The following ADGRD1 variants were observed in gnomAD, a reference collection of about 807,000 sequenced individuals.
ADGRD1 encodes adhesion G protein-coupled receptor D1, also known as G-protein coupled receptor 133.
In ADGRD1, 77 loss-of-function variants were observed where a neutral mutation model predicts 113.4. The ratio of observed to expected loss-of-function variants is 0.68; its 90% CI spans 0.57 to 0.82. ADGRD1 has a LOEUF of 0.82. ADGRD1 is among the 40% of genes least tolerant of loss of function. The pLI is 0.00. For missense variants in ADGRD1, 1,036 were observed against 1,139.1 expected, an observed-to-expected ratio of 0.91 and a Z score of 1.30; for synonymous variants, 474 against 475.0, an observed-to-expected ratio of 1.00 and a Z score of 0.03.
chr12:131,134,678 G>A (rs916881992), intron 21 of ADGRD1, among the ~76,000 whole-genome samples: 2 of 152,256 alleles, frequency 1.3e-5, no homozygotes, highest in Non-Finnish European at 2.9e-5. Context: ...GCCCGGAGCT[G>A]TCAGTGCCAG....
At chr12:131,135,629 C>T (rs1030149741) in intron 21 of ADGRD1, among the ~76,000 whole-genome samples, 6 of 152,196 alleles carry the variant, frequency 3.9e-5, no homozygotes, top group South Asian at 2.1e-4. Flanking sequence ...CCCTTCCAAG[C>T]GTCTCACAGG....
At chr12:130,995,981 T>TGGTG (rs1433574910) in intron 8 of ADGRD1, among the ~76,000 whole-genome samples, 12 of 151,956 alleles carry the variant, frequency 7.9e-5, no homozygotes, top group Non-Finnish European at 2.9e-5. Flanking sequence ...TGATGACTCT[T>TGGTG]AACGAGCATG....
At chr12:131,074,459 C>A (rs1203025177) in intron 13 of ADGRD1, among the ~76,000 whole-genome samples, 1 of 152,202 alleles carries the variant, frequency 6.6e-6, no homozygotes, top group Non-Finnish European at 1.5e-5. Flanking sequence ...CGCCTCATTC[C>A]CATTCCCCAG....
At chr12:131,001,601 C>A (rs1467287909) in intron 9 of ADGRD1, among the ~76,000 whole-genome samples, 1 of 152,222 alleles carries the variant, frequency 6.6e-6, no homozygotes, top group Non-Finnish European at 1.5e-5. Context: ...TAGATCCCTA[C>A]ATCTCAGTGG....
chr12:131,034,499 C>T (rs779914071), intron 13 of ADGRD1, among the ~76,000 whole-genome samples: 24 of 152,166 alleles, frequency 1.6e-4, no homozygotes, highest in Admixed American at 3.9e-4. Context: ...TTCTTTGTCT[C>T]CTTCACTAGA....
chr12:131,076,973 A>C lies in ADGRD1; in HGVS notation c.1547+99A>C, dbSNP rs920201527. ...GAGGATCTGGGTCACCCATTTCTGC[A>C]GCTGACATGGTTGCGTTATGCGAAA... On this transcript the variant is annotated intron_variant, in intron 14 of 24. Coordinates refer to ENST00000261654, the MANE Select transcript of ADGRD1 (RefSeq NM_198827.5). 32 of 970,980 alleles carry C rather than the reference A, an allele frequency of 3.3e-5. No individual in the cohort carries two copies. The African/African-American group carries it at 3.7e-4, about 11-fold the overall frequency. 60.1% of individuals were successfully genotyped at this position (970,980 alleles called of 1,614,324 possible).
intron 15 of ADGRD1, among the ~76,000 whole-genome samples, chr12:131,095,618 C>G (rs373298586): frequency 6.6e-6 from 1 of 152,302 alleles, no homozygotes. Context: ...ACTGGACGTT[C>G]CCAGGGCAGA....
chr12:131,045,177 C>T (rs983061472), intron 13 of ADGRD1, among the ~76,000 whole-genome samples: 1 of 152,222 alleles, frequency 6.6e-6, no homozygotes, highest in East Asian at 1.9e-4. Flanking sequence ...TCCGGGAGAG[C>T]GTGGATGAGC....
intron 13 of ADGRD1, among the ~76,000 whole-genome samples, chr12:131,052,264 C>G (rs564169530): frequency 1.2e-4 from 18 of 152,306 alleles, no homozygotes; most frequent in African/African-American, 4.3e-4. Context: ...ATGAGAACCC[C>G]TGCACCGAGT....
In ADGRD1 at chr12:131,023,863, T is replaced by A. The variant is rs963997439; in HGVS notation, c.1473+9523T>A. On this transcript the variant is annotated intron_variant, in intron 13 of 24. Transcript: ENST00000261654. The stretch of plus-strand genomic sequence containing the variant: ...CAGATGGACCTTCTTCTTCCCCTTA[T>A]GTTGACCCTCGGGCAGTGTTGAGGG... 39 of 152,242 alleles carry A rather than the reference T, an allele frequency of 2.6e-4. 1 individual carries two copies. 9.4% of individuals were successfully genotyped at this position (152,242 alleles called of 1,614,324 possible). A position where few individuals can be genotyped will look rare whatever the true frequency, so the allele number is the denominator to read the frequency against.
In ADGRD1 at chr12:131,096,342, G is replaced by A. The variant is rs534080697; in HGVS notation, c.1672-8489G>A. Among the ~76,000 whole-genome samples the A allele has an allele frequency of 1.3e-5, 2 of 152,260 alleles. No homozygotes were observed. Among genetic ancestry groups the A allele is most frequent in the South Asian group, 4.2e-4 (2 of 4,818 alleles). On this transcript the variant is annotated intron_variant, in intron 15 of 24. Transcript: ENST00000261654. This position sits in a 1 kb window ranked among gnomAD's most constrained non-coding sequence, Gnocchi z 5.2. ...GCTCACTGCAGCCTTGACCTCCTGGGCTCCAGAGATCCTCCTACCTCAGCC... is the reference window on the plus strand; with the variant it reads ...GCTCACTGCAGCCTTGACCTCCTGGACTCCAGAGATCCTCCTACCTCAGCC...
At chr12:131,037,130 T>TGCACCGGGCCTCACTCACG (rs1566052727) in intron 13 of ADGRD1, among the ~76,000 whole-genome samples, 2 of 132,300 alleles carry the variant, frequency 1.5e-5, no homozygotes, top group Non-Finnish European at 3.1e-5. Flanking sequence ...CCTCACTCAC[T>TGCACCGGGCCTCACTCACG]GCACCGGGCC....
Position 130,954,725 on chromosome 12 carries a change from A to ACAGC in ADGRD1, c.103+67_103+70dup. 5.4e-6 allele frequency: 8 copies of ACAGC among 1,476,314 alleles called. No homozygotes were observed. The highest frequency in any genetic ancestry group is 7.6e-6 in the Non-Finnish European group (8 of 1,056,068). The allele number at this position is 1,476,314 out of a possible 1,614,324, so 91.5% of individuals were successfully genotyped here. On this transcript the variant is annotated intron_variant, in intron 2 of 24. Transcript: ENST00000261654. This position sits in a 1 kb window ranked among gnomAD's most constrained non-coding sequence, Gnocchi z 4.7. Reference sequence around the variant, plus strand: ...CCTGCCTAGTGCAGGTATCTCAGGAACAGCCCACTTGTTCATCTCTGAGGC... The same window carrying ACAGC: ...CCTGCCTAGTGCAGGTATCTCAGGAACAGCCAGCCCACTTGTTCATCTCTGAGGC...
intron 3 of ADGRD1, chr12:130,970,642 C>T (rs1005909588): frequency 3.3e-5 from 5 of 152,200 alleles, no homozygotes; most frequent in African/African-American, 7.2e-5. Flanking sequence ...GCGATTATGA[C>T]CCCAGTTAAC....
chr12:131,105,023 G>A, intron 16 of ADGRD1, 89 bp downstream of exon 16: 1 of 899,236 alleles, frequency 1.1e-6, no homozygotes, highest in Non-Finnish European at 1.7e-6. Context: ...GAGAGGGGAG[G>A]GGCTGTGGAG....
intron 17 of ADGRD1, among the ~76,000 whole-genome samples, chr12:131,106,817 C>CGTG (rs1027704677): frequency 1.3e-5 from 2 of 152,152 alleles, no homozygotes; most frequent in African/African-American, 4.8e-5. Flanking sequence ...CTGGATGCAC[C>CGTG]GTGGAATGGA....
At chr12:131,137,944 G>C in intron 23 of ADGRD1, 193 bp from the exon 24 acceptor site, 1 of 586,502 alleles carries the variant, frequency 1.7e-6, no homozygotes, top group Non-Finnish European at 3.1e-6. Flanking sequence ...TCCCTGGCCT[G>C]CGATACAACC....
intron 15 of ADGRD1, among the ~76,000 whole-genome samples, chr12:131,095,887 G>GTCTCTGT (rs1887244185): frequency 6.6e-6 from 1 of 152,242 alleles, no homozygotes. Flanking sequence ...TCAGGAGACA[G>GTCTCTGT]AGGGGTTCTG....
intron 14 of ADGRD1, among the ~76,000 whole-genome samples, chr12:131,081,137 C>T (rs1392227508): frequency 6.6e-6 from 1 of 151,962 alleles, no homozygotes; most frequent in Non-Finnish European, 1.5e-5. Flanking sequence ...GTATCTTTTC[C>T]CATAATTTAA....
Sources: gnomAD v4.1 joint callset for allele counts (sites outside exome capture counted in the v4.1 genomes callset) on GRCh38, gnomAD v4.1.1 for gene constraint, Gnocchi (gnomAD v3.1) non-coding constraint, MANE v1.5 for transcripts, NCBI Gene and HGNC (gene_info 2026-07-23, HGNC 2026-07-21) for gene names.